The following PARD3B variants were observed in gnomAD, a reference collection of about 807,000 sequenced individuals.
PARD3B encodes par-3 family cell polarity regulator beta, also known as partitioning defective 3 homolog B.
PARD3B carries 103 observed loss-of-function variants against 130.2 expected under a neutral mutation model. The observed-to-expected ratio is 0.79, with a 90% confidence interval of 0.67 to 0.93. The LOEUF (loss-of-function observed/expected upper bound fraction) is 0.93, where lower values mean the gene tolerates loss of function less well. Ranked by LOEUF, PARD3B falls within the 40% of genes least tolerant of loss-of-function variation. The pLI is 0.00. For synonymous variants in PARD3B, 583 were observed against 553.2 expected (o/e 1.05, Z -0.76); for missense variants, 1,609 against 1,499.2 (o/e 1.07, Z -1.21).
chr2:205,591,774 T>C lies in PARD3B; in HGVS notation c.3261-23682T>C, dbSNP rs1575438939. Reference sequence around the variant, plus strand: ...AGTCAGATGAGATAAAAAGAGAAGGTCTGGTGGTTCAGGTCACTGAAGAAA... The same window carrying C: ...AGTCAGATGAGATAAAAAGAGAAGGCCTGGTGGTTCAGGTCACTGAAGAAA... On this transcript the variant is annotated intron_variant, in intron 22 of 22. Coordinates refer to ENST00000406610, the MANE Select transcript of PARD3B (RefSeq NM_001302769.2). The surrounding 1 kb of genome is among the most constrained non-coding windows in gnomAD (Gnocchi z 4.2). Among the ~76,000 whole-genome samples the C allele has an allele frequency of 6.6e-6, 1 of 152,052 alleles. No homozygotes were observed. Among genetic ancestry groups the C allele is most frequent in the African/African-American group, 2.4e-5 (1 of 41,406 alleles).
chr2:204,656,361 AAAAC>A (rs3036351), intron 1 of PARD3B, among the ~76,000 whole-genome samples: 47,947 of 151,430 alleles, frequency 0.32, 10,487 homozygotes, highest in African/African-American at 0.63. Flanking sequence ...TACATGATAG[AAAAC>A]AAACAAACAA....
chr2:204,800,018 C>A (rs2042510226), intron 2 of PARD3B, among the ~76,000 whole-genome samples: 1 of 152,146 alleles, frequency 6.6e-6, no homozygotes, highest in Admixed American at 6.6e-5. Context: ...AAAACGTGAT[C>A]TCACCAAACA....
chr2:205,368,993 G>A (rs2105902023), intron 18 of PARD3B, among the ~76,000 whole-genome samples: 1 of 151,616 alleles, frequency 6.6e-6, no homozygotes, highest in East Asian at 1.9e-4. Context: ...CTTTTTCCTG[G>A]CAAAACACTC....
At chr2:204,548,449 C>T (rs61356896) in intron 1 of PARD3B, among the ~76,000 whole-genome samples, 1 of 152,074 alleles carries the variant, frequency 6.6e-6, no homozygotes, top group African/African-American at 2.4e-5. Context: ...TTTTACAAAT[C>T]AGGGGAAAAA....
intron 2 of PARD3B, among the ~76,000 whole-genome samples, chr2:204,953,420 CAGAGAGAGAG>C (rs138644226): frequency 0.01 from 1,273 of 123,224 alleles, 9 homozygotes; most frequent in East Asian, 0.017. Flanking sequence ...TACACACACA[CAGAGAGAGAG>C]AGAGAGAGAG....
intron 3 of PARD3B, among the ~76,000 whole-genome samples, chr2:204,986,157 T>C (rs1693133208): frequency 3.3e-5 from 5 of 151,516 alleles, no homozygotes; most frequent in Admixed American, 3.3e-4. Context: ...GCTAGGGACT[T>C]TCTTGGGTAT....
intron 15 of PARD3B, among the ~76,000 whole-genome samples, chr2:205,238,043 G>C (rs955090947): frequency 2.0e-5 from 3 of 152,072 alleles, no homozygotes; most frequent in Admixed American, 6.6e-5. Flanking sequence ...CATGAGTCTA[G>C]AATCCTTTGC....
chr2:205,530,850 A>G lies in PARD3B; in HGVS notation c.3181-22474A>G, dbSNP rs2051560664. On this transcript the variant is annotated intron_variant, in intron 21 of 22. Transcript: ENST00000406610. This position sits in a 1 kb window ranked among gnomAD's most constrained non-coding sequence, Gnocchi z 4.7. Reference sequence around the variant, plus strand: ...AAGAAACGATGACTCTAGAGGCATGACCCACCTGGATAAGAATTGTTGTAA... The same window carrying G: ...AAGAAACGATGACTCTAGAGGCATGGCCCACCTGGATAAGAATTGTTGTAA... Among the ~76,000 whole-genome samples the G allele has an allele frequency of 2.6e-5, 4 of 152,224 alleles. No individual in the cohort carries two copies. Among genetic ancestry groups the G allele is most frequent in the Non-Finnish European group, 4.4e-5 (3 of 68,042 alleles).
chr2:204,857,197 A>G lies in PARD3B; in HGVS notation c.223-107955A>G, dbSNP rs983649638. ...GGTGAACTTTGAGCATCTTTTTTCAACTTTCTTCAGTTAATATCATTCAGA... is the reference window on the plus strand; with the variant it reads ...GGTGAACTTTGAGCATCTTTTTTCAGCTTTCTTCAGTTAATATCATTCAGA... On this transcript the variant is annotated intron_variant, in intron 2 of 22. Coordinates refer to ENST00000406610, the MANE Select transcript of PARD3B (RefSeq NM_001302769.2). Among the ~76,000 whole-genome samples the G allele has an allele frequency of 1.1e-4, 16 of 152,238 alleles. 1 individual carries two copies. Among genetic ancestry groups the G allele is most frequent in the African/African-American group, 3.6e-4 (15 of 41,574 alleles).
chr2:205,227,153 G>A (rs1283934564), intron 15 of PARD3B, among the ~76,000 whole-genome samples: 1 of 151,952 alleles, frequency 6.6e-6, no homozygotes, highest in African/African-American at 2.4e-5. Context: ...TGTGTATTCT[G>A]CAGCCATTGT....
intron 18 of PARD3B, among the ~76,000 whole-genome samples, chr2:205,390,798 G>C (rs75791288): frequency 6.6e-6 from 1 of 152,080 alleles, no homozygotes; most frequent in Non-Finnish European, 1.5e-5. Context: ...TCATCTGTTC[G>C]TTCCGATCAT....
At chr2:205,606,321 C>T (rs2054996427) in intron 22 of PARD3B, among the ~76,000 whole-genome samples, 1 of 152,208 alleles carries the variant, frequency 6.6e-6, no homozygotes. Flanking sequence ...GATGAAGTAG[C>T]ACAGTCACTC....
Position 205,287,680 on chromosome 2 carries a change from C to T in PARD3B, c.2186-12850C>T, listed in dbSNP as rs978952040. Among the ~76,000 whole-genome samples, 9 of 152,048 alleles carry T rather than the reference C, an allele frequency of 5.9e-5. No individual in the cohort carries two copies. The highest frequency in any genetic ancestry group is 2.0e-4 in the Admixed American group (3 of 15,256). Reference sequence around the variant, plus strand: ...TCATTTTAGATAGAATAATGGGTGCCGGCTAGGAAAAAGAATGGATGTCAG... The same window carrying T: ...TCATTTTAGATAGAATAATGGGTGCTGGCTAGGAAAAAGAATGGATGTCAG... On this transcript the variant is annotated intron_variant, in intron 16 of 22. Coordinates refer to ENST00000406610, the MANE Select transcript of PARD3B (RefSeq NM_001302769.2). The surrounding 1 kb of genome is among the most constrained non-coding windows in gnomAD (Gnocchi z 4.8).
chr2:204,991,987 A>G (rs899694910), intron 3 of PARD3B, among the ~76,000 whole-genome samples: 2 of 151,974 alleles, frequency 1.3e-5, no homozygotes, highest in African/African-American at 4.8e-5. Flanking sequence ...GCCCTTTGTC[A>G]GATGAGTAGG....
chr2:204,824,176 C>T (rs2043477049), intron 2 of PARD3B, among the ~76,000 whole-genome samples: 1 of 152,204 alleles, frequency 6.6e-6, no homozygotes. Flanking sequence ...TCACTCTCTG[C>T]TCTCATCTGT....
intron 11 of PARD3B, among the ~76,000 whole-genome samples, chr2:205,170,692 C>T (rs1024963488): frequency 1.3e-5 from 2 of 152,132 alleles, no homozygotes; most frequent in African/African-American, 2.4e-5. Flanking sequence ...TGCATTAGTC[C>T]GAGTTTAACG....
intron 22 of PARD3B, among the ~76,000 whole-genome samples, chr2:205,582,095 T>C (rs1196218876): frequency 2.0e-5 from 3 of 152,232 alleles, no homozygotes; most frequent in Non-Finnish European, 4.4e-5. Context: ...GAACTTGGGG[T>C]ACCTTTCCTG....
chr2:205,097,883 C>T (rs1048916683), intron 4 of PARD3B, among the ~76,000 whole-genome samples: 9 of 151,460 alleles, frequency 5.9e-5, no homozygotes, highest in African/African-American at 2.2e-4. Context: ...ATATTAATTG[C>T]TAAGACTGAA....
intron 2 of PARD3B, among the ~76,000 whole-genome samples, chr2:204,738,619 C>T (rs1417692303): frequency 6.6e-6 from 1 of 152,132 alleles, no homozygotes; most frequent in Non-Finnish European, 1.5e-5. Flanking sequence ...TGGTATCAGC[C>T]AGGCTGGGCT....
Sources: gnomAD v4.1 joint callset for allele counts (sites outside exome capture counted in the v4.1 genomes callset) on GRCh38, gnomAD v4.1.1 for gene constraint, Gnocchi (gnomAD v3.1) non-coding constraint, MANE v1.5 for transcripts, NCBI Gene and HGNC (gene_info 2026-07-23, HGNC 2026-07-21) for gene names.